Variants in MTOR observed in about 807,000 individuals in gnomAD.
MTOR encodes the protein serine/threonine-protein kinase mTOR.
MTOR carries 70 observed loss-of-function variants against 319.8 expected under a neutral mutation model. The ratio of observed to expected loss-of-function variants is 0.22; its 90% CI spans 0.18 to 0.27. MTOR has a LOEUF of 0.27. Among genes scored for constraint, MTOR ranks in the 10% least tolerant of loss-of-function variants. MTOR has a pLI of 1.00. For missense variants in MTOR, 1,890 were observed against 3,274.4 expected (o/e 0.58, Z 10.32); for synonymous variants, 1,183 against 1,211.4 (o/e 0.98, Z 0.49).
At position 11,238,062 on chromosome 1, in the gene MTOR, G is replaced by A; in HGVS notation, c.2003-14C>T. On this transcript the variant is annotated splice_polypyrimidine_tract_variant and intron_variant, in intron 12 of 57. Transcript: ENST00000361445. ...GAATGTCAGGGTCTGCAAGAGCAAT[G>A]GAGCCTTTGAACATTTCCTCATGAT... is the stretch of plus-strand genomic sequence containing the variant. 4 of 1,613,652 alleles carry A rather than the reference G, an allele frequency of 2.5e-6. No individual in the cohort carries two copies. The highest frequency in any genetic ancestry group is 2.5e-6 in the Non-Finnish European group (3 of 1,179,640).
intron 10 of MTOR, 98 bp downstream of exon 10, chr1:11,241,455 G>A: frequency 7.0e-7 from 1 of 1,425,904 alleles, no homozygotes; most frequent in Non-Finnish European, 9.4e-7. Context: ...CCATCCAGTT[G>A]AATGTGCAAA....
chr1:11,158,167 A>G (rs1417184301), intron 29 of MTOR, among the ~76,000 whole-genome samples: 2 of 152,194 alleles, frequency 1.3e-5, no homozygotes, highest in African/African-American at 2.4e-5. Context: ...CTTCATCATC[A>G]GCTCAATAAA....
At chr1:11,175,456 T>C (rs1008041201) in intron 28 of MTOR, among the ~76,000 whole-genome samples, 2 of 152,236 alleles carry the variant, frequency 1.3e-5, no homozygotes, top group Non-Finnish European at 2.9e-5. Flanking sequence ...GGAAAGTTCT[T>C]GGCAATCAAG....
At chr1:11,122,294 C>T (rs1335523158) in intron 47 of MTOR, among the ~76,000 whole-genome samples, 168 bp from the exon 48 acceptor site, 5 of 152,010 alleles carry the variant, frequency 3.3e-5, no homozygotes, top group Non-Finnish European at 5.9e-5. Context: ...ACCTCTGCCT[C>T]CTGGGTTCAA....
rs764879088 is a variant in MTOR, at chr1:11,233,421, C to A, written c.2398G>T (p.Ala800Ser). The A allele has an allele frequency of 2.0e-5, 33 of 1,614,076 alleles. No individual in the cohort carries two copies. Among genetic ancestry groups the A allele is most frequent in the Non-Finnish European group, 2.8e-5 (33 of 1,179,976 alleles). The change falls in exon 15 of 58, where the codon GCA becomes TCA. Residue 800 changes from alanine to serine, a missense_variant. Around this residue, in one of 15 missense-constraint regions of MTOR, gnomAD observed 377 missense variants for 653.9 expected, o/e 0.58. Coordinates refer to ENST00000361445, the MANE Select transcript of MTOR (RefSeq NM_004958.4). ...ACCTGTGCCAATTCTCCTATTGTTGCCAGGACATTATTGATCACACCTGGG... is the reference window on the plus strand; with the variant it reads ...ACCTGTGCCAATTCTCCTATTGTTGACAGGACATTATTGATCACACCTGGG... ...PNPGVINNVLATIGELAQVSG... is the reference protein window; with the variant it reads ...PNPGVINNVLSTIGELAQVSG...
At chr1:11,158,480 C>A (rs1346999912) in intron 29 of MTOR, among the ~76,000 whole-genome samples, 1 of 152,158 alleles carries the variant, frequency 6.6e-6, no homozygotes, top group Non-Finnish European at 1.5e-5. Context: ...GTGCCCTCTG[C>A]TGCCCCTAGA....
At chr1:11,201,862 AG>A (rs1212037496) in intron 26 of MTOR, among the ~76,000 whole-genome samples, 1 of 152,198 alleles carries the variant, frequency 6.6e-6, no homozygotes, top group African/African-American at 2.4e-5. Context: ...GCTGGAATGC[AG>A]GGGCACGATT....
chr1:11,255,881 A>G, intron 5 of MTOR, 111 bp downstream of exon 5: 1 of 1,068,980 alleles, frequency 9.4e-7, no homozygotes, highest in Non-Finnish European at 1.3e-6. Context: ...TTGAGAGCAA[A>G]CCAAAACGTG....
rs779877369 is a variant in MTOR, at chr1:11,230,896, C to T, written c.2779+29G>A. On this transcript the variant is annotated intron_variant, in intron 18 of 57. Coordinates refer to ENST00000361445, the MANE Select transcript of MTOR (RefSeq NM_004958.4). ...AAGGGCTCTGTGAGTGAGAACTTGG[C>T]AAGTCTTTCATGGCTACCCCCAACT... is the stretch of plus-strand genomic sequence containing the variant. 3 of 1,612,884 alleles carry T rather than the reference C, an allele frequency of 1.9e-6. No homozygotes were observed. The South Asian group carries it at 3.3e-5, about 18-fold the overall frequency.
At chr1:11,243,060 C>G (rs1648295471) in intron 9 of MTOR, 54 bp downstream of exon 9, 1 of 1,599,278 alleles carries the variant, frequency 6.3e-7, no homozygotes, top group Non-Finnish European at 8.5e-7. Context: ...AATAGAGCGT[C>G]CTTCCTCTCC....
intron 2 of MTOR, 112 bp downstream of exon 2, chr1:11,259,136 A>G: frequency 7.3e-7 from 1 of 1,378,724 alleles, no homozygotes; most frequent in South Asian, 1.4e-5. Context: ...CCTTTATAAA[A>G]TAATCTCTGT....
At chr1:11,139,479 C>T (rs199613873) in intron 35 of MTOR, 44 bp from the exon 36 acceptor site, 1 of 1,613,960 alleles carries the variant, frequency 6.2e-7, no homozygotes, top group Non-Finnish European at 8.5e-7. Context: ...ACTGGACAGC[C>T]CAGGGACACC....
chr1:11,240,967 C>A (rs1013832130), intron 10 of MTOR, among the ~76,000 whole-genome samples: 3 of 151,888 alleles, frequency 2.0e-5, no homozygotes, highest in African/African-American at 4.8e-5. Flanking sequence ...AGTGACTATA[C>A]CATGAACCCA....
chr1:11,213,713 C>T lies in MTOR; in HGVS notation c.3118-147G>A, dbSNP rs982050073. The stretch of plus-strand genomic sequence containing the variant: ...TCCTCACTCCCCTCCTCCCACTGGG[C>T]CCTTCTTGTGTCCTATGTTGCAGCT... On this transcript the variant is annotated intron_variant, in intron 20 of 57. Transcript: ENST00000361445. 3 of 721,130 alleles carry T rather than the reference C, an allele frequency of 4.2e-6. No individual in the cohort carries two copies. The African/African-American group carries it at 5.3e-5, about 13-fold the overall frequency. The allele number at this position is 721,130 out of a possible 1,614,324, so 44.7% of individuals were successfully genotyped here.
Position 11,107,176 on chromosome 1 carries a change from A to T in MTOR, c.*309T>A. 1 of 1,385,304 alleles carries T rather than the reference A, an allele frequency of 7.2e-7. No individual in the cohort carries two copies. The allele number at this position is 1,385,304 out of a possible 1,614,324, so 85.8% of individuals were successfully genotyped here. On this transcript the variant is annotated 3_prime_UTR_variant, in exon 58 of 58. Transcript: ENST00000361445. The stretch of plus-strand genomic sequence containing the variant: ...CTTATGATGAGTTCTCTTGTGAGTT[A>T]AGTCAAAACCCGTATTTCTAAAGTT...
chr1:11,164,814 C>T (rs910698602), intron 29 of MTOR, among the ~76,000 whole-genome samples: 1 of 152,124 alleles, frequency 6.6e-6, no homozygotes, highest in Non-Finnish European at 1.5e-5. Flanking sequence ...AATTTTAGAC[C>T]AATATCCCTG....
chr1:11,120,708 C>T (rs1184099153), intron 49 of MTOR, among the ~76,000 whole-genome samples: 5 of 152,120 alleles, frequency 3.3e-5, no homozygotes, highest in Non-Finnish European at 7.4e-5. Context: ...GCACAACCTC[C>T]CTTATATTTC....
intron 19 of MTOR, among the ~76,000 whole-genome samples, chr1:11,220,065 G>GAA (rs143599037): frequency 0.014 from 1,461 of 107,814 alleles, 30 homozygotes; most frequent in Admixed American, 0.057. Context: ...AGAAAAGAAA[G>GAA]AAAAAAAAAA....
chr1:11,222,290 G>A (rs1037544810), intron 19 of MTOR, among the ~76,000 whole-genome samples: 2 of 151,606 alleles, frequency 1.3e-5, no homozygotes, highest in Non-Finnish European at 1.5e-5. Context: ...TCTACCTCCC[G>A]GGTTCATGCC....
Sources: gnomAD v4.1 joint callset for allele counts (sites outside exome capture counted in the v4.1 genomes callset) on GRCh38, gnomAD v4.1.1 for gene constraint, gnomAD v4.1.1 regional missense constraint, MANE v1.5 for transcripts, NCBI Gene and HGNC (gene_info 2026-07-23, HGNC 2026-07-21) for gene names.